The following ZNF695 variants were observed in gnomAD, a reference collection of about 807,000 sequenced individuals.
ZNF695 encodes zinc finger protein 695, also known as zinc finger protein SBZF3.
Under a neutral mutation model 11.2 loss-of-function variants are expected in ZNF695, and 11 were observed. The ratio of observed to expected loss-of-function variants is 0.98; its 90% confidence interval spans 0.62 to 1.62. ZNF695 has a LOEUF of 1.62. ZNF695 is among the 40% of genes most tolerant of loss of function. The pLI, the probability that ZNF695 is intolerant of heterozygous loss-of-function variation, is 0.00. For missense variants in ZNF695, 559 were observed against 590.5 expected, an observed-to-expected ratio of 0.95 and a Z score of 0.55; for synonymous variants, 190 against 201.4, an observed-to-expected ratio of 0.94 and a Z score of 0.48.
chr1:246,951,545 A>G (rs1667869922), intron 5 of ZNF695, among the ~76,000 whole-genome samples: 1 of 152,192 alleles, frequency 6.6e-6, no homozygotes. Context: ...CTGAGATAAT[A>G]CATTTCCGAT....
chr1:246,955,882 T>C (rs945909671), intron 5 of ZNF695, among the ~76,000 whole-genome samples: 5 of 152,008 alleles, frequency 3.3e-5, no homozygotes, highest in African/African-American at 4.8e-5. Context: ...GACAACGGTC[T>C]CATCACTAAC....
At chr1:246,949,463 T>A (rs1182273569) in intron 5 of ZNF695, among the ~76,000 whole-genome samples, 1 of 152,124 alleles carries the variant, frequency 6.6e-6, no homozygotes, top group African/African-American at 2.4e-5. Context: ...TGTTGGCACA[T>A]GCCTTTAGTC....
intron 1 of ZNF695, among the ~76,000 whole-genome samples, chr1:247,002,025 A>G (rs1456651630): frequency 6.6e-6 from 1 of 152,092 alleles, no homozygotes; most frequent in Non-Finnish European, 1.5e-5. Flanking sequence ...ATTCAACAAC[A>G]CAATGCCCAT....
chr1:246,984,715 T>C (rs1250087776), downstream of ZNF695, among the ~76,000 whole-genome samples: 1 of 152,202 alleles, frequency 6.6e-6, no homozygotes, highest in African/African-American at 2.4e-5. Context: ...TTGGCTCGAA[T>C]AGTGTTCTCT....
In ZNF695 at chr1:246,987,014, AG is replaced by A; in HGVS notation, c.1500del (p.Phe501LeufsTer27). The A allele has an allele frequency of 6.2e-7, 1 of 1,608,992 alleles. No homozygotes were observed. The highest frequency in any genetic ancestry group is 8.5e-7 in the Non-Finnish European group (1 of 1,178,224). On this transcript the variant is annotated frameshift_variant, in exon 4 of 4. Coordinates refer to ENST00000339986, the MANE Select transcript of ZNF695 (RefSeq NM_020394.5). LOFTEE classifies it low-confidence loss of function (END_TRUNC). ...KPYKCEECGK[A>X]FNHSAQLAVH... ...ACAGCAAGTTGTGCAGAGTGGTTAA[AG>A]GCTTTGCCACATTCCTCACACTTGT...
intron 3 of ZNF695, among the ~76,000 whole-genome samples, chr1:246,995,659 G>A (rs764996999): frequency 4.0e-5 from 6 of 151,520 alleles, no homozygotes; most frequent in Non-Finnish European, 8.8e-5. Context: ...GTGAAACCCC[G>A]TCTCTACTAA....
At chr1:246,961,527 C>A (rs1385027847) in intron 5 of ZNF695, among the ~76,000 whole-genome samples, 1 of 152,154 alleles carries the variant, frequency 6.6e-6, no homozygotes, top group East Asian at 1.9e-4. Context: ...TCACAGCTCT[C>A]TTCATACGTA....
chr1:246,976,263 G>A (rs1668555954), intron 4 of ZNF695, among the ~76,000 whole-genome samples: 1 of 152,120 alleles, frequency 6.6e-6, no homozygotes, highest in African/African-American at 2.4e-5. Context: ...AGAACACAAG[G>A]TTACAGAAGC....
intron 4 of ZNF695, among the ~76,000 whole-genome samples, chr1:246,975,836 G>GGAATCTT (rs1369924390): frequency 6.6e-6 from 1 of 151,848 alleles, no homozygotes; most frequent in African/African-American, 2.4e-5. Flanking sequence ...AAAACAAAAG[G>GGAATCTT]GAATCTTTAA....
At chr1:247,006,275 C>T (rs1423157629) in intron 1 of ZNF695, among the ~76,000 whole-genome samples, 1 of 143,742 alleles carries the variant, frequency 7.0e-6, no homozygotes, top group Admixed American at 6.9e-5. Flanking sequence ...GTGAAAAAAA[C>T]AAAAAAGAAC....
At chr1:246,989,717 C>A (rs1186027319) in intron 3 of ZNF695, among the ~76,000 whole-genome samples, 3 of 152,164 alleles carry the variant, frequency 2.0e-5, no homozygotes, top group Non-Finnish European at 2.9e-5. Flanking sequence ...GACCTGTTGC[C>A]TTTAAGAAAC....
intron 5 of ZNF695, among the ~76,000 whole-genome samples, chr1:246,962,652 A>T (rs1668190134): frequency 6.6e-6 from 1 of 150,636 alleles, no homozygotes; most frequent in East Asian, 2.0e-4. Context: ...CTAACATCAG[A>T]TTTCATCACC....
chr1:246,987,543 G>C lies in ZNF695; in HGVS notation c.972C>G (p.Tyr324Ter), dbSNP rs1668890495. The C allele has an allele frequency of 2.5e-6, 4 of 1,602,662 alleles. No homozygotes were observed. Among genetic ancestry groups the C allele is most frequent in the Non-Finnish European group, 3.4e-6 (4 of 1,175,174 alleles). Reference sequence around the variant, plus strand: ...AGACTTTGCCACATTCTTCACACTTGTAGGGTTTCTCTCTACTATGAATTC... The same window carrying C: ...AGACTTTGCCACATTCTTCACACTTCTAGGGTTTCTCTCTACTATGAATTC... ...HKRIHSREKP[Y>*]KCEECGKVFK... is the part of the protein sequence containing the mutation. The change falls in exon 4 of 4, where the codon TAC becomes TAG. Residue 324 changes from tyrosine to a stop codon, truncating the protein, a stop_gained. Coordinates refer to ENST00000339986, the MANE Select transcript of ZNF695 (RefSeq NM_020394.5). LOFTEE classifies it low-confidence loss of function (END_TRUNC).
rs1668860650 is a variant in ZNF695 at position 246,986,741 on chromosome 1, C to A, written c.*226G>T. On this transcript the variant is annotated 3_prime_UTR_variant, in exon 4 of 4. Transcript: ENST00000339986. ...GGAGGGTTTCCCTCCAGTATAAATT[C>A]TTCTGTGTACAGTAAGAGCTGTGAT... The A allele has an allele frequency of 1.6e-6, 2 of 1,235,550 alleles. No individual in the cohort carries two copies. Among genetic ancestry groups the A allele is most frequent in the Non-Finnish European group, 2.0e-6 (2 of 988,910 alleles). 76.5% of individuals were successfully genotyped at this position (1,235,550 alleles called of 1,614,324 possible).
intron 4 of ZNF695, among the ~76,000 whole-genome samples, chr1:246,973,352 C>T (rs1385886440): frequency 6.6e-6 from 1 of 152,104 alleles, no homozygotes; most frequent in African/African-American, 2.4e-5. Flanking sequence ...CCCGGCCGAA[C>T]GTCACATATT....
At chr1:246,974,258 AG>A (rs1668504100) in intron 4 of ZNF695, among the ~76,000 whole-genome samples, 1 of 152,216 alleles carries the variant, frequency 6.6e-6, no homozygotes, top group Non-Finnish European at 1.5e-5. Context: ...ATGCTGCAGG[AG>A]CACCTTACTA....
chr1:247,007,451 G>C lies in ZNF695; in HGVS notation c.3+455C>G, dbSNP rs533736941. 1.6e-4 allele frequency among the ~76,000 whole-genome samples: 21 copies of C among 134,850 alleles called. No homozygotes were observed. In the East Asian group the frequency reaches 4.6e-3, roughly 29 times the overall value. The allele number at this position is 134,850 out of a possible 152,430, so 88.5% of individuals were successfully genotyped here. A position where few individuals can be genotyped will look rare whatever the true frequency, so the allele number is the denominator to read the frequency against. On this transcript the variant is annotated intron_variant, in intron 1 of 3. Transcript: ENST00000339986. ...GCAGAGGTTGCGGTGAGCCGAGATC[G>C]AGCCACCGAACTCCAGCCTGGCGAC...
chr1:246,965,021 T>A (rs188343784), intron 5 of ZNF695, among the ~76,000 whole-genome samples: 1 of 152,282 alleles, frequency 6.6e-6, no homozygotes, highest in Admixed American at 6.5e-5. Context: ...GATTAATCCA[T>A]GGGTTAACAG....
At chr1:246,953,907 C>A (rs1667928453) in intron 5 of ZNF695, among the ~76,000 whole-genome samples, 1 of 136,676 alleles carries the variant, frequency 7.3e-6, no homozygotes, top group Non-Finnish European at 1.5e-5. Context: ...GCCTGGGCGA[C>A]AGAGTGAGAC....
Sources: gnomAD v4.1 joint callset for allele counts (sites outside exome capture counted in the v4.1 genomes callset) on GRCh38, gnomAD v4.1.1 for gene constraint, MANE v1.5 for transcripts, NCBI Gene and HGNC (gene_info 2026-07-23, HGNC 2026-07-21) for gene names.